Variants in MAD1L1 observed in about 807,000 individuals in gnomAD.
MAD1L1 encodes the protein mitotic spindle assembly checkpoint protein MAD1.
Under a neutral mutation model 96.9 loss-of-function variants are expected in MAD1L1, and 95 were observed. The observed-to-expected ratio is 0.98, with a 90% confidence interval of 0.83 to 1.16. MAD1L1 has a LOEUF of 1.16. Ranked by LOEUF, MAD1L1 falls within the 50% of genes most tolerant of loss-of-function variation. The probability of loss-of-function intolerance (pLI) is 0.00; values close to 1 mark genes in which losing one functional copy is unlikely to be tolerated. For synonymous variants in MAD1L1, 473 were observed against 396.6 expected (o/e 1.19, Z -2.29); for missense variants, 1,007 against 954.4 (o/e 1.06, Z -0.73).
chr7:1,934,929 G>C (rs1198660248), intron 17 of MAD1L1, among the ~76,000 whole-genome samples: 2 of 151,444 alleles, frequency 1.3e-5, no homozygotes, highest in Non-Finnish European at 2.9e-5. Flanking sequence ...AAACAGACGG[G>C]TGAACCCGAG....
intron 10 of MAD1L1, among the ~76,000 whole-genome samples, chr7:2,152,626 C>A (rs1230347208): frequency 6.6e-6 from 1 of 152,144 alleles, no homozygotes; most frequent in Non-Finnish European, 1.5e-5. Flanking sequence ...AGGAGATGGA[C>A]CCATGGGAGA....
At chr7:1,913,849 G>A (rs562577103) in intron 17 of MAD1L1, among the ~76,000 whole-genome samples, 3 of 152,148 alleles carry the variant, frequency 2.0e-5, no homozygotes, top group Admixed American at 6.5e-5. Flanking sequence ...CACCCCTATG[G>A]GAAGAATCCT....
intron 17 of MAD1L1, among the ~76,000 whole-genome samples, chr7:1,900,651 A>G (rs73048131): frequency 0.033 from 4,992 of 152,242 alleles, 193 homozygotes; most frequent in Admixed American, 0.096. Flanking sequence ...CCACGTGCAC[A>G]AGGAAGAACG....
chr7:1,857,616 A>G (rs1784322698), intron 18 of MAD1L1, among the ~76,000 whole-genome samples: 1 of 152,234 alleles, frequency 6.6e-6, no homozygotes, highest in South Asian at 2.1e-4. Context: ...CCCCTGGACC[A>G]GGGCTGCCTG....
At chr7:2,177,825 T>C (rs576244074) in intron 10 of MAD1L1, among the ~76,000 whole-genome samples, 11 of 152,308 alleles carry the variant, frequency 7.2e-5, no homozygotes, top group Admixed American at 5.9e-4. Flanking sequence ...GTTTGCATCT[T>C]CAACAAGAAG....
chr7:2,141,094 G>T (rs1371945078), intron 11 of MAD1L1, among the ~76,000 whole-genome samples: 1 of 152,192 alleles, frequency 6.6e-6, no homozygotes, highest in Non-Finnish European at 1.5e-5. Context: ...AGAGCCCAGC[G>T]GCAGCGGACG....
At chr7:2,000,434 C>T (rs993422502) in intron 14 of MAD1L1, among the ~76,000 whole-genome samples, 6 of 152,198 alleles carry the variant, frequency 3.9e-5, no homozygotes, top group East Asian at 1.9e-4. Context: ...ACAGCCCTGC[C>T]GTGACCACAC....
chr7:2,076,397 G>A (rs1466184715), intron 11 of MAD1L1, among the ~76,000 whole-genome samples: 2 of 152,212 alleles, frequency 1.3e-5, no homozygotes, highest in Non-Finnish European at 2.9e-5. Context: ...GACAGGGGCT[G>A]GTCATCTGCA....
At chr7:1,919,832 T>C (rs981385771) in intron 17 of MAD1L1, among the ~76,000 whole-genome samples, 8 of 152,170 alleles carry the variant, frequency 5.3e-5, no homozygotes, top group African/African-American at 1.9e-4. Flanking sequence ...AGGAGCAACT[T>C]TGCTTTGGAA....
intron 11 of MAD1L1, among the ~76,000 whole-genome samples, chr7:2,086,395 C>T (rs1201179588): frequency 6.6e-6 from 1 of 152,196 alleles, no homozygotes; most frequent in African/African-American, 2.4e-5. Flanking sequence ...CTGCCAGTGA[C>T]CTTTAATTGG....
At chr7:1,853,326 T>C (rs1455773652) in intron 18 of MAD1L1, among the ~76,000 whole-genome samples, 1 of 152,110 alleles carries the variant, frequency 6.6e-6, no homozygotes. Flanking sequence ...GCCTCCCCTG[T>C]GGGTGGCACA....
chr7:1,949,033 C>T (rs1421864677), intron 16 of MAD1L1, among the ~76,000 whole-genome samples: 1 of 152,214 alleles, frequency 6.6e-6, no homozygotes, highest in African/African-American at 2.4e-5. Context: ...CCCAGGACGC[C>T]ATGTGGGGCT....
intron 18 of MAD1L1, among the ~76,000 whole-genome samples, chr7:1,854,896 C>T (rs1193786514): frequency 6.6e-6 from 1 of 152,254 alleles, no homozygotes; most frequent in African/African-American, 2.4e-5. Context: ...AGGCCAAACC[C>T]CGAGGGGCAA....
intron 12 of MAD1L1, among the ~76,000 whole-genome samples, chr7:2,034,769 G>A (rs139713215): frequency 0.013 from 1,978 of 152,322 alleles, 32 homozygotes; most frequent in African/African-American, 0.045. Context: ...GGGGAGGAAA[G>A]GAGAGAAGGG....
intron 12 of MAD1L1, among the ~76,000 whole-genome samples, chr7:2,050,329 C>T (rs575394066): frequency 3.3e-5 from 5 of 152,366 alleles, no homozygotes; most frequent in South Asian, 2.1e-4. Flanking sequence ...TGGAACCTCA[C>T]GCGCCTGCTG....
intron 11 of MAD1L1, among the ~76,000 whole-genome samples, chr7:2,075,459 A>T (rs924256506): frequency 1.4e-4 from 22 of 152,296 alleles, no homozygotes; most frequent in African/African-American, 5.1e-4. Flanking sequence ...TGAGGTACAG[A>T]AGAGAAAACT....
chr7:1,879,833 C>T (rs565163908), intron 18 of MAD1L1, among the ~76,000 whole-genome samples: 144 of 152,270 alleles, frequency 9.5e-4, no homozygotes, highest in African/African-American at 3.3e-3. Flanking sequence ...CGGGTTCACG[C>T]CATTCTCCTG....
At chr7:1,938,746 GCACACACACACACA>G in intron 16 of MAD1L1, among the ~76,000 whole-genome samples, 1 of 99,710 alleles carries the variant, frequency 1.0e-5, no homozygotes, top group East Asian at 3.7e-4. Flanking sequence ...AGGCGCGCAC[GCACACACACACACA>G]CACACACACG....
chr7:1,977,835 G>C (rs567149163), intron 15 of MAD1L1, among the ~76,000 whole-genome samples: 1 of 152,242 alleles, frequency 6.6e-6, no homozygotes, highest in African/African-American at 2.4e-5. Context: ...AGGCTCCTGC[G>C]TGGGCAGCCA....
Sources: gnomAD v4.1 joint callset for allele counts (sites outside exome capture counted in the v4.1 genomes callset) on GRCh38, gnomAD v4.1.1 for gene constraint, MANE v1.5 for transcripts, NCBI Gene and HGNC (gene_info 2026-07-23, HGNC 2026-07-21) for gene names.